The following NRIP1 variants were observed in gnomAD, a reference collection of about 807,000 sequenced individuals.
The protein encoded by NRIP1 is nuclear receptor interacting protein 1, also known as nuclear receptor-interacting protein 1.
NRIP1 carries 28 observed loss-of-function variants against 75.0 expected under a neutral mutation model. The observed-to-expected ratio is 0.37, with a 90% CI of 0.28 to 0.51. The LOEUF (loss-of-function observed/expected upper bound fraction) is 0.51. Ranked by LOEUF, NRIP1 falls within the 20% of genes least tolerant of loss-of-function variation. NRIP1 has a pLI of 0.92. For missense variants in NRIP1, 1,435 were observed against 1,343.7 expected (o/e 1.07, Z -1.06); for synonymous variants, 526 against 487.6 (o/e 1.08, Z -1.04).
Position 14,967,872 on chromosome 21 carries a change from A to G in NRIP1, c.321T>C (p.Asn107=), listed in dbSNP as rs751394036. 31 of 1,613,954 alleles carry G rather than the reference A, an allele frequency of 1.9e-5. No individual in the cohort carries two copies. In the South Asian group the frequency reaches 3.3e-4, roughly 17 times the overall value. Residue 107 remains asparagine (N), a synonymous_variant, in exon 4 of 4, where the codon AAT becomes AAC. Transcript: ENST00000318948. Reference sequence around the variant, plus strand: ...GCAAAGCTTCCTTCTTTACGTTTAAATTCATGATAGAATCAGACAGCCTCT... The same window carrying G: ...GCAAAGCTTCCTTCTTTACGTTTAAGTTCATGATAGAATCAGACAGCCTCT... ...KRKRLSDSIM[N]LNVKKEALLA... is the part of the protein sequence containing the mutation.
At chr21:15,015,797 ATTG>A (rs1474130271) in intron 2 of NRIP1, among the ~76,000 whole-genome samples, 1 of 152,170 alleles carries the variant, frequency 6.6e-6, no homozygotes, top group Non-Finnish European at 1.5e-5. Context: ...TTTAGAGGTA[ATTG>A]TTATTTTTTC....
chr21:15,013,043 T>C (rs1270886261), intron 3 of NRIP1, among the ~76,000 whole-genome samples: 1 of 152,092 alleles, frequency 6.6e-6, no homozygotes, highest in East Asian at 1.9e-4. Flanking sequence ...TATCAACTGT[T>C]TCATCAAATA....
At chr21:15,056,604 A>T (rs1219655644) in intron 1 of NRIP1, among the ~76,000 whole-genome samples, 2 of 152,058 alleles carry the variant, frequency 1.3e-5, no homozygotes, top group Non-Finnish European at 2.9e-5. Flanking sequence ...CACTTTGACA[A>T]TTTCTCTTTT....
intron 2 of NRIP1, among the ~76,000 whole-genome samples, chr21:15,019,676 C>T (rs560120902): frequency 9.3e-4 from 141 of 151,378 alleles, no homozygotes; most frequent in African/African-American, 1.8e-3. Context: ...TTAGTAGAGA[C>T]GGGATTTCAC....
intron 3 of NRIP1, among the ~76,000 whole-genome samples, chr21:14,990,525 T>A (rs1320626443): frequency 1.3e-5 from 2 of 152,142 alleles, no homozygotes; most frequent in Non-Finnish European, 2.9e-5. Context: ...GAATGTCTTT[T>A]CCCAATACAA....
At position 14,963,604 on chromosome 21, in the gene NRIP1, A is replaced by G. The variant is rs2086646726; in HGVS notation, c.*1112T>C. The G allele has an allele frequency of 6.6e-6, 1 of 152,232 alleles. No individual in the cohort carries two copies. Among genetic ancestry groups the G allele is most frequent in the Non-Finnish European group, 1.5e-5 (1 of 68,004 alleles). The allele number at this position is 152,232 out of a possible 1,614,324, so 9.4% of individuals were successfully genotyped here. A position where few individuals can be genotyped will look rare whatever the true frequency, so the allele number is the denominator to read the frequency against. On this transcript the variant is annotated 3_prime_UTR_variant, in exon 4 of 4. Coordinates refer to ENST00000318948, the MANE Select transcript of NRIP1 (RefSeq NM_003489.4). ...GTTTTACAGTCTCATGTTCTGAGGA[A>G]AGTCATAAGTCATGGTTCTCAAACA...
intron 2 of NRIP1, among the ~76,000 whole-genome samples, chr21:15,020,171 C>CT (rs1471424006): frequency 6.6e-6 from 1 of 151,998 alleles, no homozygotes; most frequent in Non-Finnish European, 1.5e-5. Context: ...AAGTATGAAG[C>CT]TGCAGGACTT....
At position 15,060,664 on chromosome 21, in the gene NRIP1, T is replaced by C. The variant is rs746330174; in HGVS notation, c.-538+4081A>G. Among the ~76,000 whole-genome samples the C allele has an allele frequency of 5.0e-4, 76 of 152,246 alleles. 1 individual carries two copies. Among genetic ancestry groups the C allele is most frequent in the Non-Finnish European group, 1.0e-3 (69 of 67,982 alleles). On this transcript the variant is annotated intron_variant, in intron 1 of 3. Transcript: ENST00000318948. ...CAATTTTGATCCTCTACTTTAAAGA[T>C]ATCTCAGAGACATTCAAAACAAAGT... is the stretch of plus-strand genomic sequence containing the variant.
At chr21:14,970,456 G>T (rs780034729) in intron 3 of NRIP1, among the ~76,000 whole-genome samples, 1 of 152,192 alleles carries the variant, frequency 6.6e-6, no homozygotes, top group Non-Finnish European at 1.5e-5. Context: ...TGAGGCAGAA[G>T]AATTGCTTGA....
chr21:15,054,600 A>G (rs375442895), intron 1 of NRIP1, among the ~76,000 whole-genome samples: 50 of 152,350 alleles, frequency 3.3e-4, no homozygotes, highest in African/African-American at 1.0e-3. Flanking sequence ...TAATTTAAAC[A>G]GACTAAAGAA....
At chr21:14,990,655 C>G (rs777825701) in intron 3 of NRIP1, among the ~76,000 whole-genome samples, 4 of 152,158 alleles carry the variant, frequency 2.6e-5, no homozygotes, top group Non-Finnish European at 5.9e-5. Flanking sequence ...TATGTGTGAA[C>G]AGACATGGAA....
intron 1 of NRIP1, among the ~76,000 whole-genome samples, chr21:15,053,705 G>C (rs1010630216): frequency 6.6e-6 from 1 of 152,110 alleles, no homozygotes; most frequent in Admixed American, 6.5e-5. Context: ...TCATTTTTCT[G>C]CCCTTTTACT....
In NRIP1 at chr21:15,012,391, T is replaced by C. The variant is rs190318653; in HGVS notation, c.-335+1953A>G. Reference sequence around the variant, plus strand: ...AAGGAATATAGAAAATCACTATCAGTAATTTGTTTTTATAAATTTTTAGTT... The same window carrying C: ...AAGGAATATAGAAAATCACTATCAGCAATTTGTTTTTATAAATTTTTAGTT... On this transcript the variant is annotated intron_variant, in intron 3 of 3. Transcript: ENST00000318948. 1.8e-4 allele frequency among the ~76,000 whole-genome samples: 28 copies of C among 151,442 alleles called. 1 individual carries two copies. The highest frequency in any genetic ancestry group is 1.6e-3 in the Admixed American group (24 of 15,196).
At chr21:14,982,783 T>C (rs1014259666) in intron 3 of NRIP1, among the ~76,000 whole-genome samples, 10 of 151,992 alleles carry the variant, frequency 6.6e-5, no homozygotes, top group African/African-American at 2.4e-4. Context: ...TGGTACCACT[T>C]TTCCAACAGC....
intron 2 of NRIP1, among the ~76,000 whole-genome samples, chr21:15,014,980 A>G (rs1393579443): frequency 6.6e-6 from 1 of 152,204 alleles, no homozygotes; most frequent in Non-Finnish European, 1.5e-5. Flanking sequence ...TGCCCAAAGT[A>G]GATTTATTTT....
chr21:15,057,273 C>G (rs1379486686), intron 1 of NRIP1, among the ~76,000 whole-genome samples: 1 of 152,162 alleles, frequency 6.6e-6, no homozygotes, highest in Non-Finnish European at 1.5e-5. Flanking sequence ...TTGAAGTGGA[C>G]AAACATAACT....
chr21:15,051,118 G>T (rs968979297), intron 1 of NRIP1: 34 of 353,860 alleles, frequency 9.6e-5, no homozygotes, highest in African/African-American at 6.7e-4. Context: ...TGCCCCTTTG[G>T]CCCCTAGACC....
At chr21:14,999,142 A>G (rs2087796724) in intron 3 of NRIP1, among the ~76,000 whole-genome samples, 2 of 151,752 alleles carry the variant, frequency 1.3e-5, no homozygotes, top group South Asian at 4.2e-4. Context: ...GTAGCTAGTT[A>G]ATTTTTTAAT....
At position 14,962,018 on chromosome 21, in the gene NRIP1, TA is replaced by T. The variant is rs1568930050; in HGVS notation, c.*2697del. On this transcript the variant is annotated 3_prime_UTR_variant, in exon 4 of 4. Transcript: ENST00000318948. ...TCAATATATATATATATACATATTA[TA>T]TATATATATATATATATATATATAA... 13 of 11,432 alleles carry T rather than the reference TA, an allele frequency of 1.1e-3. No individual in the cohort carries two copies. Among genetic ancestry groups the T allele is most frequent in the Admixed American group, 4.0e-3 (3 of 752 alleles). 0.7% of individuals were successfully genotyped at this position (11,432 alleles called of 1,614,324 possible).
Sources: gnomAD v4.1 joint callset for allele counts (sites outside exome capture counted in the v4.1 genomes callset) on GRCh38, gnomAD v4.1.1 for gene constraint, MANE v1.5 for transcripts, NCBI Gene and HGNC (gene_info 2026-07-23, HGNC 2026-07-21) for gene names.